Variants in COG3 observed in about 807,000 individuals in gnomAD.
COG3 encodes component of oligomeric golgi complex 3.
COG3 carries 32 observed loss-of-function variants against 114.1 expected under a neutral mutation model. The ratio of observed to expected loss-of-function variants is 0.28; its 90% CI spans 0.21 to 0.38. The LOEUF (loss-of-function observed/expected upper bound fraction) is 0.38. Ranked by LOEUF, COG3 falls within the 10% of genes least tolerant of loss-of-function variation. The probability of loss-of-function intolerance (pLI) is 1.00; values close to 1 mark genes in which losing one functional copy is unlikely to be tolerated. For synonymous variants in COG3, 352 were observed against 365.7 expected, an observed-to-expected ratio of 0.96 and a Z score of 0.43; for missense variants, 813 against 973.2, an observed-to-expected ratio of 0.84 and a Z score of 2.19.
intron 7 of COG3, 123 bp from the exon 8 acceptor site, chr13:45,486,372 C>T (rs903000955): frequency 2.4e-6 from 1 of 420,708 alleles, no homozygotes; most frequent in Non-Finnish European, 4.5e-6. Flanking sequence ...GAGGGAGACT[C>T]TCCCTAAGCT....
At chr13:45,497,241 C>CT (rs2137843107) in intron 13 of COG3, among the ~76,000 whole-genome samples, 1 of 152,310 alleles carries the variant, frequency 6.6e-6, no homozygotes, top group African/African-American at 2.4e-5. Context: ...TCTTCCTGAT[C>CT]TTTCAGTTCC....
rs547890667 is a variant in COG3, at chr13:45,494,871, T to C, written c.1328-1281T>C. Reference sequence around the variant, plus strand: ...TTTCTTTTTTTCTCTTTTCTTTTTTTTTTTTTTGAGACGGAGTCTCGCTCT... The same window carrying C: ...TTTCTTTTTTTCTCTTTTCTTTTTTCTTTTTTTGAGACGGAGTCTCGCTCT... On this transcript the variant is annotated intron_variant, in intron 12 of 22. Coordinates refer to ENST00000349995, the MANE Select transcript of COG3 (RefSeq NM_031431.4). Among the ~76,000 whole-genome samples the C allele has an allele frequency of 5.7e-4, 85 of 149,078 alleles. 2 individuals carry two copies. Among genetic ancestry groups the C allele is most frequent in the African/African-American group, 2.0e-3 (81 of 40,718 alleles).
chr13:45,480,673 C>G (rs1886196504), intron 4 of COG3, among the ~76,000 whole-genome samples: 1 of 152,212 alleles, frequency 6.6e-6, no homozygotes, highest in Non-Finnish European at 1.5e-5. Flanking sequence ...TCAAGCGATT[C>G]TCCTGCCTCA....
At chr13:45,465,451 C>T (rs1332904446) in intron 1 of COG3, 2 of 583,970 alleles carry the variant, frequency 3.4e-6, no homozygotes, top group Non-Finnish European at 2.8e-6. Context: ...CTGGTGCTCG[C>T]CGGAACCCAG....
intron 13 of COG3, among the ~76,000 whole-genome samples, chr13:45,500,047 T>A (rs1869298582): frequency 8.2e-6 from 1 of 121,670 alleles, no homozygotes; most frequent in Non-Finnish European, 1.7e-5. Flanking sequence ...TGTATGTGTG[T>A]GTGTGTGTGT....
chr13:45,531,215 T>G (rs1011053976), intron 22 of COG3: 4 of 243,506 alleles, frequency 1.6e-5, no homozygotes, highest in African/African-American at 7.0e-5. Context: ...TTGCAAGATT[T>G]TGGTGCACCC....
chr13:45,492,043 GTTGTT>G (rs1259199355), intron 10 of COG3, 111 bp from the exon 11 acceptor site: 7 of 553,096 alleles, frequency 1.3e-5, no homozygotes, highest in East Asian at 6.6e-5. Context: ...TCTTCAGTAA[GTTGTT>G]TTAAGAGTGT....
chr13:45,506,205 G>A (rs940327543), intron 14 of COG3, among the ~76,000 whole-genome samples: 1 of 152,158 alleles, frequency 6.6e-6, no homozygotes, highest in Non-Finnish European at 1.5e-5. Context: ...TGGTGCTTTG[G>A]GCTTGTGTAA....
At chr13:45,469,522 G>C (rs1232678308) in intron 1 of COG3, among the ~76,000 whole-genome samples, 3 of 152,098 alleles carry the variant, frequency 2.0e-5, no homozygotes, top group Non-Finnish European at 4.4e-5. Context: ...ACAGAACCAG[G>C]TGCAAATATT....
Position 45,534,712 on chromosome 13 carries a change from T to G in COG3, c.2468T>G (p.Leu823Arg), listed in dbSNP as rs1873438095. 6.4e-7 allele frequency: 1 copy of G among 1,566,278 alleles called. No homozygotes were observed. Among genetic ancestry groups the G allele is most frequent in the Non-Finnish European group, 8.7e-7 (1 of 1,154,744 alleles). The part of the protein sequence containing the change: ...ACPSMEQLSL[L>R]LLVSK ...AATTTTGCTTTTCAGCTGAGCCTTC[T>G]GCTGTTGGTTTCTAAATAAGCAGGC... The change falls in exon 23 of 23, where the codon CTG (leucine) becomes CGG (arginine). Residue 823 changes from leucine (L) to arginine (R), a missense_variant. Leu to Arg is a moderately radical substitution (Grantham distance 102, BLOSUM62 -2). Transcript: ENST00000349995.
chr13:45,487,743 G>C (rs957071276), intron 8 of COG3, among the ~76,000 whole-genome samples: 3 of 152,162 alleles, frequency 2.0e-5, no homozygotes, highest in African/African-American at 7.2e-5. Context: ...ACAAATGCTG[G>C]TGAGGATGCA....
At position 45,491,417 on chromosome 13, in the gene COG3, A is replaced by G; in HGVS notation, c.974A>G (p.Gln325Arg). Residue 325 changes from glutamine to arginine, a missense_variant, in exon 10 of 23, where the codon CAA becomes CGA. By Grantham distance (43) the Gln-to-Arg change is conservative. This residue lies in a region of COG3 where 424 missense variants were observed against 430.6 expected (regional missense o/e 0.98). Transcript: ENST00000349995. The stretch of plus-strand genomic sequence containing the variant: ...TCTCATTTGCTTTCTGTCAGATACC[A>G]ACAACTGCTAAATGATATCCACCAG... ...ELRSEKIPEY[Q>R]QLLNDIHQCY... is the part of the protein sequence containing the mutation. 6.2e-7 allele frequency: 1 copy of G among 1,604,836 alleles called. No individual in the cohort carries two copies. Among genetic ancestry groups the G allele is most frequent in the Non-Finnish European group, 8.5e-7 (1 of 1,177,562 alleles).
intron 13 of COG3, among the ~76,000 whole-genome samples, chr13:45,500,108 A>G (rs61953520): frequency 0.38 from 38,453 of 102,214 alleles, 5,895 homozygotes; most frequent in Admixed American, 0.47. Flanking sequence ...ATATATATAT[A>G]TATATATAAA....
intron 4 of COG3, among the ~76,000 whole-genome samples, chr13:45,480,714 T>G (rs1347241236): frequency 6.6e-6 from 1 of 152,116 alleles, no homozygotes; most frequent in Non-Finnish European, 1.5e-5. Flanking sequence ...TACAGGCGTG[T>G]GCCACCACAC....
intron 21 of COG3, 89 bp downstream of exon 21, chr13:45,530,007 T>C: frequency 6.9e-7 from 1 of 1,440,870 alleles, no homozygotes; most frequent in Non-Finnish European, 9.3e-7. Context: ...TGTAGACATT[T>C]AGAAATGTTG....
chr13:45,498,549 C>G (rs900276865), intron 13 of COG3, among the ~76,000 whole-genome samples: 1 of 151,772 alleles, frequency 6.6e-6, no homozygotes, highest in Non-Finnish European at 1.5e-5. Flanking sequence ...TCCAGTTGTT[C>G]CAGCATCATT....
chr13:45,509,655 T>G, intron 14 of COG3, 37 bp from the exon 15 acceptor site: 1 of 1,608,034 alleles, frequency 6.2e-7, no homozygotes, highest in South Asian at 1.1e-5. Flanking sequence ...AATATCCACA[T>G]GTGTGAAATG....
chr13:45,503,865 C>T (rs1869823145), intron 14 of COG3, among the ~76,000 whole-genome samples: 1 of 152,034 alleles, frequency 6.6e-6, no homozygotes, highest in South Asian at 2.1e-4. Context: ...TTCTAGCTGG[C>T]ATAGTGTATC....
chr13:45,471,882 G>A (rs1185929160), intron 1 of COG3, among the ~76,000 whole-genome samples: 2 of 152,060 alleles, frequency 1.3e-5, no homozygotes, highest in Non-Finnish European at 1.5e-5. Flanking sequence ...ACAGGCGCCC[G>A]CCACTACGCC....
Sources: gnomAD v4.1 joint callset for allele counts (sites outside exome capture counted in the v4.1 genomes callset) on GRCh38, gnomAD v4.1.1 for gene constraint, gnomAD v4.1.1 regional missense constraint, MANE v1.5 for transcripts, NCBI Gene and HGNC (gene_info 2026-07-23, HGNC 2026-07-21) for gene names.